The following PLCB4 variants were observed in gnomAD, a reference collection of about 807,000 sequenced individuals.
PLCB4 encodes the protein 1-phosphatidylinositol 4,5-bisphosphate phosphodiesterase beta-4.
PLCB4 carries 77 observed loss-of-function variants against 178.8 expected under a neutral mutation model. The ratio of observed to expected loss-of-function variants is 0.43; its 90% CI spans 0.36 to 0.52. PLCB4 has a LOEUF of 0.52. PLCB4 is among the 20% of genes least tolerant of loss of function. PLCB4 has a pLI of 0.00. For synonymous variants in PLCB4, 496 were observed against 490.8 expected, an observed-to-expected ratio of 1.01 and a Z score of -0.14; for missense variants, 1,024 against 1,453.4, an observed-to-expected ratio of 0.70 and a Z score of 4.80.
intron 16 of PLCB4, 71 bp downstream of exon 16, chr20:9,390,029 C>T: frequency 1.3e-6 from 1 of 782,356 alleles, no homozygotes; most frequent in East Asian, 2.4e-5. Flanking sequence ...CACTCCTGCT[C>T]TACAACTTTT....
rs368676906 is a variant in PLCB4, at chr20:9,254,143, G to A, written c.-16+36691G>A. ...AAGTAACTGCTGTCAAATCTAATAA[G>A]AAGACTAATCTAAAATTTAGGCTGT... On this transcript the variant is annotated intron_variant, in intron 3 of 39. Transcript: ENST00000378473. Among the ~76,000 whole-genome samples the A allele has an allele frequency of 5.3e-5, 8 of 152,230 alleles. No individual in the cohort carries two copies. In the East Asian group the frequency reaches 1.2e-3, roughly 22 times the overall value.
At chr20:9,274,359 T>C (rs536315478) in intron 3 of PLCB4, among the ~76,000 whole-genome samples, 3 of 152,086 alleles carry the variant, frequency 2.0e-5, no homozygotes, top group South Asian at 4.2e-4. Flanking sequence ...AAAATTGCAA[T>C]ACCAATCCCT....
intron 4 of PLCB4, among the ~76,000 whole-genome samples, chr20:9,322,076 C>T (rs908453669): frequency 3.3e-5 from 5 of 151,176 alleles, no homozygotes; most frequent in East Asian, 3.9e-4. Context: ...GCCTCCCTCC[C>T]GAGTAGCTGA....
At position 9,409,262 on chromosome 20, in the gene PLCB4, G is replaced by T. The variant is rs138006275; in HGVS notation, c.1999+81G>T. ...TGCCAGCACTTCCCATCAGTTGGCT[G>T]TGGGCATTTTTTAAAGGAAGCAGAC... is the stretch of plus-strand genomic sequence containing the variant. On this transcript the variant is annotated intron_variant, in intron 24 of 39. Coordinates refer to ENST00000378473, the MANE Select transcript of PLCB4 (RefSeq NM_001377142.1). 2.5e-6 allele frequency: 3 copies of T among 1,196,742 alleles called. No individual in the cohort carries two copies. The African/African-American group carries it at 4.8e-5, about 19-fold the overall frequency. 74.1% of individuals were successfully genotyped at this position (1,196,742 alleles called of 1,614,324 possible).
intron 15 of PLCB4, among the ~76,000 whole-genome samples, chr20:9,389,266 C>T (rs529264651): frequency 1.3e-5 from 2 of 152,222 alleles, no homozygotes; most frequent in African/African-American, 2.4e-5. Context: ...AAGAACACTT[C>T]TATGTTTCAC....
intron 1 of PLCB4, among the ~76,000 whole-genome samples, chr20:9,090,734 G>C (rs2090644534): frequency 6.6e-6 from 1 of 151,936 alleles, no homozygotes; most frequent in Non-Finnish European, 1.5e-5. Flanking sequence ...AATGTTTCGG[G>C]GGTGGTGATT....
intron 30 of PLCB4, among the ~76,000 whole-genome samples, chr20:9,440,419 C>T (rs573417627): frequency 2.6e-5 from 4 of 152,278 alleles, no homozygotes; most frequent in Admixed American, 1.3e-4. Context: ...GCAGCCCCAG[C>T]GCATATCCCT....
At chr20:9,113,062 G>A (rs926752606) in intron 2 of PLCB4, among the ~76,000 whole-genome samples, 1 of 152,074 alleles carries the variant, frequency 6.6e-6, no homozygotes, top group African/African-American at 2.4e-5. Context: ...AAGGAATGGC[G>A]GTCCTGTGAG....
chr20:9,347,021 C>A (rs1016030662), intron 7 of PLCB4, among the ~76,000 whole-genome samples: 5 of 152,314 alleles, frequency 3.3e-5, no homozygotes, highest in African/African-American at 7.2e-5. Flanking sequence ...GTGTCTCATC[C>A]GTGATGGCGC....
At chr20:9,412,396 T>C (rs932735895) in intron 25 of PLCB4, among the ~76,000 whole-genome samples, 1 of 152,114 alleles carries the variant, frequency 6.6e-6, no homozygotes, top group Admixed American at 6.5e-5. Flanking sequence ...TCTTGCTGTA[T>C]TGCCTAGAGC....
intron 3 of PLCB4, among the ~76,000 whole-genome samples, chr20:9,287,991 T>C (rs1399554194): frequency 6.6e-6 from 1 of 152,102 alleles, no homozygotes; most frequent in Non-Finnish European, 1.5e-5. Context: ...AGTTCAAGGA[T>C]GTGGTTCTAT....
chr20:9,109,599 G>C (rs1266901239), intron 2 of PLCB4, among the ~76,000 whole-genome samples: 1 of 151,734 alleles, frequency 6.6e-6, no homozygotes, highest in African/African-American at 2.4e-5. Flanking sequence ...AATTATAAAA[G>C]CTGGGCTCAT....
intron 39 of PLCB4, 74 bp downstream of exon 39, chr20:9,476,827 A>C: frequency 1.0e-6 from 1 of 971,740 alleles, no homozygotes; most frequent in Non-Finnish European, 1.7e-6. Context: ...TGCAGTCTCC[A>C]TTTATGAGTC....
chr20:9,405,218 C>T, intron 20 of PLCB4, 95 bp from the exon 21 acceptor site: 1 of 638,526 alleles, frequency 1.6e-6, no homozygotes, highest in Non-Finnish European at 2.7e-6. Context: ...AACAAGTTTA[C>T]CTACACTTAT....
At chr20:9,074,397 T>C (rs2089728889) in intron 1 of PLCB4, among the ~76,000 whole-genome samples, 1 of 152,208 alleles carries the variant, frequency 6.6e-6, no homozygotes, top group Admixed American at 6.5e-5. Flanking sequence ...ATTGCCTTTC[T>C]TATGCTCCTG....
chr20:9,173,941 C>A (rs1337368827), intron 2 of PLCB4, among the ~76,000 whole-genome samples: 1 of 152,102 alleles, frequency 6.6e-6, no homozygotes, highest in African/African-American at 2.4e-5. Flanking sequence ...ATTTCTATTT[C>A]CCTGGAGTTG....
chr20:9,267,581 C>A (rs1415424563), intron 3 of PLCB4, among the ~76,000 whole-genome samples: 1 of 150,686 alleles, frequency 6.6e-6, no homozygotes, highest in Non-Finnish European at 1.5e-5. Context: ...AGTTATTGAC[C>A]TTTTTGGGGG....
At chr20:9,231,582 T>G (rs1329293650) in intron 3 of PLCB4, among the ~76,000 whole-genome samples, 1 of 152,112 alleles carries the variant, frequency 6.6e-6, no homozygotes, top group Non-Finnish European at 1.5e-5. Flanking sequence ...TGTGGGATAG[T>G]GCACCGAATT....
At chr20:9,099,170 A>T (rs1199444919) in intron 2 of PLCB4, among the ~76,000 whole-genome samples, 1 of 152,180 alleles carries the variant, frequency 6.6e-6, no homozygotes, top group East Asian at 1.9e-4. Context: ...AGAAGCTCAT[A>T]ATCAAAGAAG....
Sources: allele counts gnomAD v4.1 joint callset (sites outside exome capture counted in the v4.1 genomes callset), GRCh38; gene constraint gnomAD v4.1.1; transcripts MANE v1.5; gene names NCBI Gene and HGNC (gene_info 2026-07-23, HGNC 2026-07-21).